CLPX: variants seen among roughly 807,000 people sequenced by gnomAD.
CLPX encodes the protein ATP-dependent clpX-like chaperone, mitochondrial.
CLPX carries 34 observed loss-of-function variants against 76.4 expected under a neutral mutation model. That is an observed-to-expected ratio of 0.45 (90% CI 0.34 to 0.59). CLPX has a LOEUF of 0.59. Ranked by LOEUF, CLPX falls within the 20% of genes least tolerant of loss-of-function variation. The probability of loss-of-function intolerance (pLI) is 0.01; values close to 1 mark genes in which losing one functional copy is unlikely to be tolerated. For missense variants in CLPX, 613 were observed against 757.0 expected (o/e 0.81, Z 2.23); for synonymous variants, 248 against 270.9 (o/e 0.92, Z 0.83).
chr15:65,180,922 C>A (rs2088159975), intron 1 of CLPX, among the ~76,000 whole-genome samples: 1 of 147,532 alleles, frequency 6.8e-6, no homozygotes. Flanking sequence ...AAAAAAAAAT[C>A]TGTAACAATG....
chr15:65,162,781 T>C (rs2087869121), intron 5 of CLPX, 136 bp from the exon 6 acceptor site: 1 of 561,158 alleles, frequency 1.8e-6, no homozygotes. Context: ...ATATATGCTA[T>C]ATCTTTTCTA....
rs773289504 is a variant in CLPX at position 65,158,610 on chromosome 15, T to C, written c.857A>G (p.Lys286Arg). ...DSSHDDIKLE[K>R]SNILLLGPTG... is the part of the protein sequence containing the mutation. Reference sequence around the variant, plus strand: ...TGGTCCAAGCAGCAAAATATTACTTTTTTCAAGTTTTATGTCATCATGAGA... The same window carrying C: ...TGGTCCAAGCAGCAAAATATTACTTCTTTCAAGTTTTATGTCATCATGAGA... The change falls in exon 7 of 14, where the codon AAA (lysine) becomes AGA (arginine). Residue 286 changes from lysine (K) to arginine (R), a missense_variant. Physicochemically the swap from Lys to Arg is conservative, Grantham distance 26 (BLOSUM62 2). Coordinates refer to ENST00000300107, the MANE Select transcript of CLPX (RefSeq NM_006660.5). 1 of 1,612,570 alleles carries C rather than the reference T, an allele frequency of 6.2e-7. No homozygotes were observed. The highest frequency in any genetic ancestry group is 1.1e-5 in the South Asian group (1 of 90,418).
intron 1 of CLPX, among the ~76,000 whole-genome samples, chr15:65,182,648 T>C (rs978533516): frequency 3.9e-5 from 6 of 152,230 alleles, no homozygotes; most frequent in Non-Finnish European, 8.8e-5. Context: ...TAGAGCTTAG[T>C]GAAAATAAAG....
intron 1 of CLPX, among the ~76,000 whole-genome samples, chr15:65,181,614 G>T (rs1036894530): frequency 6.6e-6 from 1 of 151,860 alleles, no homozygotes; most frequent in African/African-American, 2.4e-5. Context: ...GTAGCCAGGC[G>T]TGGTGACAGG....
chr15:65,163,999 T>C (rs2087880830), intron 5 of CLPX, 30 bp downstream of exon 5: 2 of 1,588,766 alleles, frequency 1.3e-6, no homozygotes, highest in Non-Finnish European at 1.7e-6. Flanking sequence ...CATAGCAATC[T>C]CTATTTAGGT....
In CLPX at chr15:65,150,607, T is replaced by A. The variant is rs867850478; in HGVS notation, c.*216A>T. The A allele has an allele frequency of 4.5e-5, 16 of 357,310 alleles. No individual in the cohort carries two copies. Among genetic ancestry groups the A allele is most frequent in the Middle Eastern group, 7.4e-4 (1 of 1,360 alleles). The allele number at this position is 357,310 out of a possible 1,614,324, so 22.1% of individuals were successfully genotyped here. A position where few individuals can be genotyped will look rare whatever the true frequency, so the allele number is the denominator to read the frequency against. On this transcript the variant is annotated 3_prime_UTR_variant, in exon 14 of 14. Coordinates refer to ENST00000300107, the MANE Select transcript of CLPX (RefSeq NM_006660.5). ...GAACCAAAATAATGTACATTTTATC[T>A]CTAAACATTGTGTCATTAAAGTCCA...
In CLPX at chr15:65,181,596, T is replaced by C. The variant is rs1213114213; in HGVS notation, c.80-1392A>G. On this transcript the variant is annotated intron_variant, in intron 1 of 13. Coordinates refer to ENST00000300107, the MANE Select transcript of CLPX (RefSeq NM_006660.5). ...GGTGAAACCCTGTCTCTACTAAAGA[T>C]ACAAAAAGTAGCCAGGCGTGGTGAC... is the stretch of plus-strand genomic sequence containing the variant. Among the ~76,000 whole-genome samples the C allele has an allele frequency of 2.0e-5, 3 of 151,566 alleles. No individual in the cohort carries two copies. The East Asian group carries it at 5.8e-4, about 30-fold the overall frequency.
At chr15:65,171,354 C>G (rs1049709033) in intron 3 of CLPX, among the ~76,000 whole-genome samples, 2 of 151,066 alleles carry the variant, frequency 1.3e-5, no homozygotes, top group Non-Finnish European at 2.9e-5. Flanking sequence ...GGCTGAGGCA[C>G]GAGAATTGCT....
chr15:65,181,561 T>C (rs1027639058), intron 1 of CLPX, among the ~76,000 whole-genome samples: 4 of 151,662 alleles, frequency 2.6e-5, no homozygotes, highest in Non-Finnish European at 4.4e-5. Context: ...AAGACCAGCC[T>C]GGCCAACATG....
chr15:65,181,749 A>AAAAT (rs10605280), intron 1 of CLPX, among the ~76,000 whole-genome samples: 4,853 of 137,950 alleles, frequency 0.035, 106 homozygotes, highest in Middle Eastern at 0.058. Context: ...GCTCTGTCGC[A>AAAAT]AAATAAATAA....
chr15:65,154,673 G>T, intron 11 of CLPX, 109 bp downstream of exon 11: 1 of 745,758 alleles, frequency 1.3e-6, no homozygotes, highest in Non-Finnish European at 2.2e-6. Flanking sequence ...TAAGGAATAG[G>T]CTGGTATTCT....
At chr15:65,173,937 A>C (rs949160485) in intron 3 of CLPX, among the ~76,000 whole-genome samples, 7 of 152,094 alleles carry the variant, frequency 4.6e-5, no homozygotes. Flanking sequence ...ATGTTCTGGA[A>C]TTAGATAGTG....
At chr15:65,179,249 T>A (rs575697528) in intron 2 of CLPX, among the ~76,000 whole-genome samples, 198 bp from the exon 3 acceptor site, 1 of 152,242 alleles carries the variant, frequency 6.6e-6, no homozygotes, top group Admixed American at 6.5e-5. Context: ...TTCTAGTAAA[T>A]ACATATATAT....
chr15:65,148,721 G>A lies in CLPX; in HGVS notation c.*2102C>T, dbSNP rs1289533081. 4.7e-5 allele frequency: 7 copies of A among 149,968 alleles called. No homozygotes were observed. The highest frequency in any genetic ancestry group is 4.2e-4 in the South Asian group (2 of 4,768). The allele number at this position is 149,968 out of a possible 1,614,324, so 9.3% of individuals were successfully genotyped here. A position where few individuals can be genotyped will look rare whatever the true frequency, so the allele number is the denominator to read the frequency against. On this transcript the variant is annotated 3_prime_UTR_variant, in exon 14 of 14. Coordinates refer to ENST00000300107, the MANE Select transcript of CLPX (RefSeq NM_006660.5). ...AAAAAACTGTGTAAAAGGAAAGCTC[G>A]AGTCTATAAACCAAAAAAAAAAACC...
At chr15:65,167,667 G>C (rs1017584926) in intron 3 of CLPX, among the ~76,000 whole-genome samples, 1 of 150,494 alleles carries the variant, frequency 6.6e-6, no homozygotes, top group African/African-American at 2.4e-5. Context: ...CCTGAGGTCA[G>C]GAGTTAGAAA....
At chr15:65,181,208 A>G (rs986269156) in intron 1 of CLPX, among the ~76,000 whole-genome samples, 5 of 152,130 alleles carry the variant, frequency 3.3e-5, no homozygotes, top group African/African-American at 1.2e-4. Flanking sequence ...CAAAAAAAAA[A>G]AAAGTTCTTT....
Position 65,154,880 on chromosome 15 carries a change from G to A in CLPX, c.1513C>T (p.Pro505Ser), listed in dbSNP as rs1432421136. Reference protein sequence around the residue: ...EFVGRLPVVVPLHSLDEKTLV... With the variant: ...EFVGRLPVVVSLHSLDEKTLV... Reference sequence around the variant, plus strand: ...GTTTTCTCATCTAGGCTATGCAATGGAACCACCACAGGCAACCGTCCCACA... The same window carrying A: ...GTTTTCTCATCTAGGCTATGCAATGAAACCACCACAGGCAACCGTCCCACA... Residue 505 changes from proline to serine, a missense_variant, in exon 11 of 14, where the codon CCA (proline) becomes TCA (serine). By Grantham distance (74) the Pro-to-Ser change is moderately conservative. Transcript: ENST00000300107. 1.2e-6 allele frequency: 2 copies of A among 1,614,068 alleles called. No individual in the cohort carries two copies. The highest frequency in any genetic ancestry group is 1.7e-6 in the Non-Finnish European group (2 of 1,179,978).
chr15:65,163,976 G>C, intron 5 of CLPX, 53 bp downstream of exon 5: 1 of 1,485,926 alleles, frequency 6.7e-7, no homozygotes, highest in African/African-American at 1.4e-5. Context: ...TACAAATAAA[G>C]ATTACTTTTA....
In CLPX at chr15:65,162,617, C is replaced by T. The variant is rs770107956; in HGVS notation, c.702G>A (p.Glu234=). 6.3e-7 allele frequency: 1 copy of T among 1,586,520 alleles called. No individual in the cohort carries two copies. The highest frequency in any genetic ancestry group is 1.1e-5 in the South Asian group (1 of 89,478). The change falls in exon 6 of 14, where the codon GAG becomes GAA. Residue 234 remains glutamate, a synonymous_variant. Coordinates refer to ENST00000300107, the MANE Select transcript of CLPX (RefSeq NM_006660.5). The part of the protein sequence containing the change: ...RELEIRRRED[E]YRFTKLLQIA... The stretch of plus-strand genomic sequence containing the variant: ...GAAGTCACTTACTTGTAAATCTGTA[C>T]TCATCCTCCCGTCTTCTTATTTCTA...
Sources: gnomAD v4.1 joint callset for allele counts (sites outside exome capture counted in the v4.1 genomes callset) on GRCh38, gnomAD v4.1.1 for gene constraint, MANE v1.5 for transcripts, NCBI Gene and HGNC (gene_info 2026-07-23, HGNC 2026-07-21) for gene names.